HCRTR2: variants seen among roughly 807,000 people sequenced by gnomAD.
HCRTR2 encodes orexin receptor type 2.
Under a neutral mutation model 49.0 loss-of-function variants are expected in HCRTR2, and 22 were observed. The observed-to-expected ratio is 0.45, with a 90% CI of 0.32 to 0.64. The LOEUF is 0.64. Ranked by LOEUF, HCRTR2 falls within the 30% of genes least tolerant of loss-of-function variation. The pLI, the probability that HCRTR2 is intolerant of heterozygous loss-of-function variation, is 0.04. For synonymous variants in HCRTR2, 236 were observed against 205.3 expected, an observed-to-expected ratio of 1.15 and a Z score of -1.28; for missense variants, 491 against 559.4, an observed-to-expected ratio of 0.88 and a Z score of 1.23.
chr6:55,108,225 A>T (rs1012946155), intron 1 of HCRTR2, among the ~76,000 whole-genome samples: 2 of 152,090 alleles, frequency 1.3e-5, no homozygotes, highest in Non-Finnish European at 2.9e-5. Flanking sequence ...TACCCTTCAG[A>T]TCGGGAAAAT....
In HCRTR2 at chr6:55,255,182, T is replaced by C. The variant is rs1766626737; in HGVS notation, c.449T>C (p.Leu150Ser). 6.2e-7 allele frequency: 1 copy of C among 1,614,048 alleles called. No individual in the cohort carries two copies. Among genetic ancestry groups the C allele is most frequent in the Non-Finnish European group, 8.5e-7 (1 of 1,179,954 alleles). Residue 150 changes from leucine to serine, a missense_variant, in exon 3 of 7, where the codon TTG (leucine) becomes TCG (serine). Leu to Ser is a moderately radical substitution (Grantham distance 145). Coordinates refer to ENST00000370862, the MANE Select transcript of HCRTR2 (RefSeq NM_001384272.1). ...GTCCTCACACTGAGCTGTATCGCCT[T>C]GGATCGGTGGTATGCAATCTGTCAC... ...VSVLTLSCIALDRWYAICHPL... is the reference protein window; with the variant it reads ...VSVLTLSCIASDRWYAICHPL...
At chr6:55,259,820 T>G (rs966903749) in intron 3 of HCRTR2, among the ~76,000 whole-genome samples, 2 of 152,132 alleles carry the variant, frequency 1.3e-5, no homozygotes, top group African/African-American at 4.8e-5. Flanking sequence ...ACAAATGTCT[T>G]AAATACATTG....
intron 2 of HCRTR2, among the ~76,000 whole-genome samples, chr6:55,251,288 C>T (rs1429900587): frequency 2.0e-5 from 3 of 152,018 alleles, no homozygotes; most frequent in African/African-American, 7.2e-5. Flanking sequence ...TACAATACAG[C>T]CTTTAGATTT....
chr6:55,206,779 C>A (rs1765609157), intron 1 of HCRTR2, among the ~76,000 whole-genome samples: 1 of 151,958 alleles, frequency 6.6e-6, no homozygotes, highest in South Asian at 2.1e-4. Flanking sequence ...TCAGAAACTT[C>A]TTAACATGAC....
chr6:55,146,117 A>G (rs553557752), intron 1 of HCRTR2, among the ~76,000 whole-genome samples: 1 of 152,334 alleles, frequency 6.6e-6, no homozygotes, highest in Admixed American at 6.5e-5. Flanking sequence ...CTTCCCCTGT[A>G]AAATTGCTTG....
In HCRTR2 at chr6:55,161,281, C is replaced by T. The variant is rs62418289; in HGVS notation, c.-377-12930C>T. On this transcript the variant is annotated intron_variant, in intron 1 of 7. Transcript: ENST00000615358. ...GCAGAAATAAATAAGTTACTTGAAA[C>T]CAATGAGAACAAAGACACAACATAC... 2.6e-5 allele frequency among the ~76,000 whole-genome samples: 4 copies of T among 152,184 alleles called. No homozygotes were observed. The South Asian group carries it at 8.3e-4, about 32-fold the overall frequency.
At chr6:55,228,419 A>C (rs1268035360) in intron 1 of HCRTR2, among the ~76,000 whole-genome samples, 1 of 152,188 alleles carries the variant, frequency 6.6e-6, no homozygotes, top group Non-Finnish European at 1.5e-5. Flanking sequence ...GCTGCTTCTT[A>C]GCATCTTTGT....
intron 1 of HCRTR2, among the ~76,000 whole-genome samples, chr6:55,224,325 T>G (rs1049034838): frequency 9.2e-5 from 14 of 151,956 alleles, no homozygotes; most frequent in Non-Finnish European, 2.1e-4. Context: ...TGGATAAACG[T>G]AGAAAACATG....
intron 1 of HCRTR2, among the ~76,000 whole-genome samples, chr6:55,124,933 CTT>C (rs36014361): frequency 7.6e-4 from 108 of 141,490 alleles, no homozygotes; most frequent in Middle Eastern, 3.6e-3. Context: ...CCAACTCCTG[CTT>C]TTTTTTTTTT....
In HCRTR2 at chr6:55,117,783, C is replaced by CAAAAA. The variant is rs34425786; in HGVS notation, c.-378+11255_-378+11259dup. On this transcript the variant is annotated intron_variant, in intron 1 of 7. Transcript: ENST00000615358. ...TGCACCTGCCCTTGGGATAAAGTCT[C>CAAAAA]AAAAAAAAAAAAAAAAAAAAAGGGA... 3.5e-3 allele frequency among the ~76,000 whole-genome samples: 273 copies of CAAAAA among 77,946 alleles called. 3 individuals carry two copies. The highest frequency in any genetic ancestry group is 4.7e-3 in the African/African-American group (91 of 19,398). The allele number at this position is 77,946 out of a possible 152,430, so 51.1% of individuals were successfully genotyped here. A position where few individuals can be genotyped will look rare whatever the true frequency, so the allele number is the denominator to read the frequency against.
chr6:55,112,906 G>T (rs879773611), intron 1 of HCRTR2, among the ~76,000 whole-genome samples: 1 of 152,000 alleles, frequency 6.6e-6, no homozygotes, highest in Admixed American at 6.6e-5. Context: ...CAACAAAACA[G>T]CAGGGTACTG....
At chr6:55,151,801 A>C (rs2127258262) in intron 1 of HCRTR2, among the ~76,000 whole-genome samples, 1 of 152,038 alleles carries the variant, frequency 6.6e-6, no homozygotes, top group Non-Finnish European at 1.5e-5. Flanking sequence ...CTTAAAAAAA[A>C]AAACACTTAA....
intron 1 of HCRTR2, among the ~76,000 whole-genome samples, chr6:55,213,541 G>C (rs1051896644): frequency 1.3e-5 from 2 of 152,220 alleles, no homozygotes; most frequent in Non-Finnish European, 2.9e-5. Flanking sequence ...AGCCAGTTAA[G>C]AGGCTCCTGT....
At chr6:55,225,612 C>G (rs922310908) in intron 1 of HCRTR2, among the ~76,000 whole-genome samples, 1 of 152,164 alleles carries the variant, frequency 6.6e-6, no homozygotes, top group African/African-American at 2.4e-5. Context: ...ACTCCTCATT[C>G]ATTCATTCAA....
intron 2 of HCRTR2, among the ~76,000 whole-genome samples, chr6:55,252,556 T>C (rs892665822): frequency 2.0e-5 from 3 of 151,954 alleles, no homozygotes; most frequent in African/African-American, 7.2e-5. Context: ...TGAGGGGCCC[T>C]AGGTGCTTAA....
intron 1 of HCRTR2, among the ~76,000 whole-genome samples, chr6:55,159,899 G>A (rs1307907419): frequency 6.6e-6 from 1 of 152,184 alleles, no homozygotes; most frequent in East Asian, 1.9e-4. Flanking sequence ...AAGGAATCAA[G>A]TTGGAAAACA....
intron 1 of HCRTR2, among the ~76,000 whole-genome samples, chr6:55,209,488 C>T (rs1430813911): frequency 1.3e-5 from 2 of 150,822 alleles, no homozygotes; most frequent in African/African-American, 4.9e-5. Flanking sequence ...AAGAGGCTGT[C>T]ATTTTTTCAT....
At chr6:55,177,053 G>A (rs1460367761) in intron 1 of HCRTR2, among the ~76,000 whole-genome samples, 1 of 152,134 alleles carries the variant, frequency 6.6e-6, no homozygotes, top group African/African-American at 2.4e-5. Flanking sequence ...TAATTGCATA[G>A]TTTAGGGATA....
chr6:55,276,925 A>G (rs1010360151), intron 4 of HCRTR2, among the ~76,000 whole-genome samples: 1 of 152,176 alleles, frequency 6.6e-6, no homozygotes, highest in Admixed American at 6.5e-5. Flanking sequence ...GTTAAGTTCT[A>G]TCTCTCTGGC....
Sources: gnomAD v4.1 joint callset for allele counts (sites outside exome capture counted in the v4.1 genomes callset) on GRCh38, gnomAD v4.1.1 for gene constraint, MANE v1.5 for transcripts, NCBI Gene and HGNC (gene_info 2026-07-23, HGNC 2026-07-21) for gene names.